Variants in FILIP1L observed in about 807,000 individuals in gnomAD.
FILIP1L encodes filamin A interacting protein 1 like.
FILIP1L carries 55 observed loss-of-function variants against 96.6 expected under a neutral mutation model. The ratio of observed to expected loss-of-function variants is 0.57; its 90% CI spans 0.46 to 0.71. The LOEUF (loss-of-function observed/expected upper bound fraction) is 0.71. FILIP1L is among the 30% of genes least tolerant of loss of function. The probability of loss-of-function intolerance (pLI) is 0.00; values close to 1 mark genes in which losing one functional copy is unlikely to be tolerated. For missense variants in FILIP1L, 1,304 were observed against 1,321.2 expected (o/e 0.99, Z 0.20); for synonymous variants, 467 against 473.9 (o/e 0.99, Z 0.19).
intron 4 of FILIP1L, among the ~76,000 whole-genome samples, chr3:99,892,828 G>A (rs1381006377): frequency 6.6e-6 from 1 of 152,196 alleles, no homozygotes; most frequent in Non-Finnish European, 1.5e-5. Context: ...TTTTATCCTT[G>A]ATCTAAACAT....
chr3:100,036,795 A>G (rs540514925), intron 1 of FILIP1L, among the ~76,000 whole-genome samples: 1,545 of 152,300 alleles, frequency 0.01, 33 homozygotes, highest in African/African-American at 0.035. Flanking sequence ...TGACACTTTA[A>G]CCAAGTGATC....
chr3:99,879,249 C>T (rs1406360060), intron 4 of FILIP1L, among the ~76,000 whole-genome samples: 1 of 152,064 alleles, frequency 6.6e-6, no homozygotes, highest in East Asian at 1.9e-4. Flanking sequence ...TTGTAGGTAA[C>T]AAGGCAAGAA....
intron 4 of FILIP1L, among the ~76,000 whole-genome samples, chr3:99,913,037 C>A (rs894232329): frequency 6.6e-6 from 1 of 152,050 alleles, no homozygotes; most frequent in Non-Finnish European, 1.5e-5. Flanking sequence ...GAATTAGTGA[C>A]CCTCATAAGA....
intron 4 of FILIP1L, among the ~76,000 whole-genome samples, chr3:99,919,297 T>C (rs1484579061): frequency 6.6e-6 from 1 of 151,724 alleles, no homozygotes; most frequent in East Asian, 1.9e-4. Context: ...CATGAACTCA[T>C]AATGCCTTAG....
At chr3:100,062,244 T>C (rs1275620929) in intron 1 of FILIP1L, among the ~76,000 whole-genome samples, 5 of 151,626 alleles carry the variant, frequency 3.3e-5, no homozygotes, top group Non-Finnish European at 1.5e-5. Flanking sequence ...CCCGAGTAGC[T>C]GGGACTACAG....
chr3:99,890,188 ATAT>A (rs1209453519), intron 4 of FILIP1L, among the ~76,000 whole-genome samples: 4 of 152,116 alleles, frequency 2.6e-5, no homozygotes, highest in Admixed American at 6.5e-5. Context: ...TACATTGAAG[ATAT>A]TATTCCACCA....
intron 1 of FILIP1L, among the ~76,000 whole-genome samples, chr3:99,975,564 C>G (rs2107724518): frequency 6.6e-6 from 1 of 151,896 alleles, no homozygotes; most frequent in Non-Finnish European, 1.5e-5. Flanking sequence ...TGCACTCCAG[C>G]CTGCAAATGA....
chr3:100,075,289 A>G (rs1191123953), intron 1 of FILIP1L, among the ~76,000 whole-genome samples: 1 of 152,244 alleles, frequency 6.6e-6, no homozygotes, highest in African/African-American at 2.4e-5. Context: ...AGAACAATCT[A>G]GAGCATGCTA....
chr3:99,993,236 A>G (rs2107139736), intron 1 of FILIP1L, among the ~76,000 whole-genome samples: 1 of 152,082 alleles, frequency 6.6e-6, no homozygotes, highest in South Asian at 2.1e-4. Flanking sequence ...ATTGAATATT[A>G]TTAAAATTAC....
At chr3:99,873,946 C>A (rs1034279630) in intron 4 of FILIP1L, among the ~76,000 whole-genome samples, 5 of 152,184 alleles carry the variant, frequency 3.3e-5, no homozygotes, top group Non-Finnish European at 5.9e-5. Context: ...CACATTCATT[C>A]TATCAAAAAC....
Position 100,014,280 on chromosome 3 carries a change from A to AAT in FILIP1L, c.-10-83251_-10-83250insAT, listed in dbSNP as rs552745568. Among the ~76,000 whole-genome samples, 445 of 152,102 alleles carry AAT rather than the reference A, an allele frequency of 2.9e-3. 1 individual carries two copies. The highest frequency in any genetic ancestry group is 9.9e-3 in the African/African-American group (412 of 41,546). ...AAGTTGATTCCACATCTTGACTGTT[A>AAT]TGAATAATGCTGCAATGAATATGAG... is the stretch of plus-strand genomic sequence containing the variant. On this transcript the variant is annotated intron_variant, in intron 1 of 5. Transcript: ENST00000477258.
chr3:100,056,090 T>C (rs1359784861), intron 1 of FILIP1L, among the ~76,000 whole-genome samples: 1 of 152,178 alleles, frequency 6.6e-6, no homozygotes. Context: ...AGCTATGGTA[T>C]ACCAAGGTCT....
chr3:100,026,044 G>C (rs2064914526), intron 1 of FILIP1L, among the ~76,000 whole-genome samples: 1 of 152,148 alleles, frequency 6.6e-6, no homozygotes, highest in Non-Finnish European at 1.5e-5. Context: ...TTGGGATTTA[G>C]ACTTAATGAA....
intron 1 of FILIP1L, among the ~76,000 whole-genome samples, chr3:99,974,876 G>A (rs563564192): frequency 6.6e-6 from 1 of 152,254 alleles, no homozygotes; most frequent in South Asian, 2.1e-4. Context: ...CTTGGCATGG[G>A]CTCTTGTGTT....
chr3:99,945,404 C>T (rs1307129976), intron 1 of FILIP1L, among the ~76,000 whole-genome samples: 1 of 152,170 alleles, frequency 6.6e-6, no homozygotes, highest in Non-Finnish European at 1.5e-5. Flanking sequence ...CTTGGGGGTT[C>T]CACCCACTGT....
At chr3:99,864,080 G>A (rs998198815) in intron 4 of FILIP1L, among the ~76,000 whole-genome samples, 1 of 152,196 alleles carries the variant, frequency 6.6e-6, no homozygotes, top group African/African-American at 2.4e-5. Flanking sequence ...TAATATGTAG[G>A]AGGTATGGAA....
At chr3:100,099,882 TGCTGAGAGTGG>T (rs1382498584) in intron 1 of FILIP1L, among the ~76,000 whole-genome samples, 1 of 152,180 alleles carries the variant, frequency 6.6e-6, no homozygotes, top group African/African-American at 2.4e-5. Flanking sequence ...GGAACTGAGT[TGCTGAGAGTGG>T]GCAGAGGGTT....
chr3:100,070,920 C>T (rs932632570), intron 1 of FILIP1L, among the ~76,000 whole-genome samples: 7 of 152,246 alleles, frequency 4.6e-5, no homozygotes, highest in Middle Eastern at 3.4e-3. Context: ...CATGAGTCAC[C>T]GCGCCTGGCC....
At chr3:100,113,473 T>G (rs774420644) in intron 1 of FILIP1L, among the ~76,000 whole-genome samples, 9 of 152,238 alleles carry the variant, frequency 5.9e-5, no homozygotes, top group Non-Finnish European at 1.2e-4. Flanking sequence ...GCTTCTGTTC[T>G]CTGGCTCTCA....
Sources: allele counts gnomAD v4.1 joint callset (sites outside exome capture counted in the v4.1 genomes callset), GRCh38; gene constraint gnomAD v4.1.1; transcripts MANE v1.5; gene names NCBI Gene and HGNC (gene_info 2026-07-23, HGNC 2026-07-21).